Variants in UTP20 observed in about 807,000 individuals in gnomAD.
The protein encoded by UTP20 is UTP20 small subunit processome component.
UTP20 carries 164 observed loss-of-function variants against 329.5 expected under a neutral mutation model. That is an observed-to-expected ratio of 0.50 (90% CI 0.44 to 0.57). UTP20 has a LOEUF of 0.57. UTP20 is among the 20% of genes least tolerant of loss of function. The probability of loss-of-function intolerance (pLI) is 0.00; values close to 1 mark genes in which losing one functional copy is unlikely to be tolerated. For missense variants in UTP20, 3,055 were observed against 3,284.2 expected (o/e 0.93, Z 1.71); for synonymous variants, 1,151 against 1,159.3 (o/e 0.99, Z 0.14).
chr12:101,293,115 TG>T (rs1216029436), intron 10 of UTP20, 52 bp from the exon 11 acceptor site: 1 of 1,553,066 alleles, frequency 6.4e-7, no homozygotes, highest in Non-Finnish European at 8.9e-7. Flanking sequence ...GCTGGGGGGA[TG>T]GGGAAAATAC....
intron 56 of UTP20, among the ~76,000 whole-genome samples, chr12:101,377,018 T>C (rs184452960): frequency 1.5e-4 from 23 of 152,252 alleles, no homozygotes; most frequent in Non-Finnish European, 7.4e-5. Context: ...TGACCTCAGG[T>C]GATCCACCTG....
chr12:101,285,595 G>A lies in UTP20; in HGVS notation c.152G>A (p.Gly51Asp), dbSNP rs1195783643. 1.2e-6 allele frequency: 2 copies of A among 1,613,568 alleles called. No homozygotes were observed. The highest frequency in any genetic ancestry group is 3.3e-5 in the Admixed American group (2 of 59,990). ...GAGGTTGAAACCTACTTTTTTGAGG[G>A]TCTGCTGAAATGGAGAGAATTAAAC... ...EEEVETYFFE[G>D]LLKWRELNLT... The change falls in exon 3 of 62, where the codon GGT becomes GAT. Residue 51 changes from glycine (G) to aspartate (D), a missense_variant. Gly to Asp is a moderately conservative substitution (Grantham distance 94). Coordinates refer to ENST00000261637, the MANE Select transcript of UTP20 (RefSeq NM_014503.3).
Position 101,285,777 on chromosome 12 carries a change from A to T in UTP20, c.222A>T (p.Lys74Asn). 6.2e-7 allele frequency: 1 copy of T among 1,613,700 alleles called. No individual in the cohort carries two copies. The highest frequency in any genetic ancestry group is 8.5e-7 in the Non-Finnish European group (1 of 1,179,848). The change falls in exon 4 of 62, where the codon AAA becomes AAT. Residue 74 changes from lysine (K) to asparagine (N), a missense_variant. Lys to Asn is a moderately conservative substitution (Grantham distance 94). Around this residue, in one of 3 missense-constraint regions of UTP20, gnomAD observed 2,445 missense variants for 2,575.5 expected, o/e 0.95. Transcript: ENST00000261637. Reference protein sequence around the residue: ...FGKFYKEVIDKCQSFNQLVYH... With the variant: ...FGKFYKEVIDNCQSFNQLVYH... The stretch of plus-strand genomic sequence containing the variant: ...AATTTTACAAAGAAGTTATTGACAA[A>T]TGCCAATCATTCAATCAGTTGGTGT...
At position 101,329,235 on chromosome 12, in the gene UTP20, C is replaced by A; in HGVS notation, c.3209-6C>A. ...ACATGACCTCTCGTCCTCTTTGTTT[C>A]ACTAGGAGAGTGCCATTCTGCAGTC... On this transcript the variant is annotated splice_polypyrimidine_tract_variant and splice_region_variant and intron_variant, in intron 26 of 61. Coordinates refer to ENST00000261637, the MANE Select transcript of UTP20 (RefSeq NM_014503.3). The A allele has an allele frequency of 1.2e-6, 2 of 1,613,550 alleles. No individual in the cohort carries two copies. The highest frequency in any genetic ancestry group is 1.1e-5 in the South Asian group (1 of 91,040).
At chr12:101,368,421 C>A (rs1333564941) in intron 48 of UTP20, among the ~76,000 whole-genome samples, 4 of 152,106 alleles carry the variant, frequency 2.6e-5, no homozygotes, top group Non-Finnish European at 5.9e-5. Context: ...GCATGAGCCA[C>A]CGTGCCCGGC....
chr12:101,372,909 A>G lies in UTP20; in HGVS notation c.6824A>G (p.Tyr2275Cys). The change falls in exon 52 of 62, where the codon TAT becomes TGT. Residue 2275 changes from tyrosine (Y) to cysteine (C), a missense_variant. Around this residue, in one of 3 missense-constraint regions of UTP20, gnomAD observed 273 missense variants for 363.1 expected, o/e 0.75. Transcript: ENST00000261637. Reference sequence around the variant, plus strand: ...GTTTTTCTGAAATATATTCTTGACTATCCCCTGGGTGACAAATTGAGACCA... The same window carrying G: ...GTTTTTCTGAAATATATTCTTGACTGTCCCCTGGGTGACAAATTGAGACCA... ...RQVFLKYILD[Y>C]PLGDKLRPNL... The G allele has an allele frequency of 6.2e-7, 1 of 1,614,160 alleles. No homozygotes were observed. The highest frequency in any genetic ancestry group is 8.5e-7 in the Non-Finnish European group (1 of 1,179,976).
intron 2 of UTP20, among the ~76,000 whole-genome samples, chr12:101,284,515 A>T (rs1860054777): frequency 6.6e-6 from 1 of 152,112 alleles, no homozygotes; most frequent in Non-Finnish European, 1.5e-5. Flanking sequence ...GGACAATTCA[A>T]TGTCTTTGCT....
intron 56 of UTP20, among the ~76,000 whole-genome samples, chr12:101,378,070 T>A (rs1425744708): frequency 6.6e-6 from 1 of 151,972 alleles, no homozygotes; most frequent in Non-Finnish European, 1.5e-5. Flanking sequence ...AAAAATAACT[T>A]CCTGAGTGTG....
Position 101,344,848 on chromosome 12 carries a change from G to T in UTP20, c.4605+98G>T. 3.2e-6 allele frequency: 3 copies of T among 938,816 alleles called. No individual in the cohort carries two copies. The Admixed American group carries it at 7.3e-5, about 23-fold the overall frequency. The allele number at this position is 938,816 out of a possible 1,614,324, so 58.2% of individuals were successfully genotyped here. ...TTGTATAGAAAAGTAGTCAGGCTTA[G>T]TGCATTTAATGAGAATACTTGGTTG... On this transcript the variant is annotated intron_variant, in intron 36 of 61. Transcript: ENST00000261637.
In UTP20 at chr12:101,290,827, T is replaced by C. The variant is rs1872119538; in HGVS notation, c.830T>C (p.Val277Ala). The C allele has an allele frequency of 6.2e-7, 1 of 1,613,924 alleles. No individual in the cohort carries two copies. Among genetic ancestry groups the C allele is most frequent in the African/African-American group, 1.3e-5 (1 of 74,924 alleles). ...MLIGETLKNM[V>A]KSTVSYISKE... ...ATTGGAGAAACACTCAAAAACATGG[T>C]CAAATCCACTGTATCCTACATCTCC... is the stretch of plus-strand genomic sequence containing the variant. The change falls in exon 8 of 62, where the codon GTC (valine) becomes GCC (alanine). Residue 277 changes from valine to alanine, a missense_variant. Physicochemically the swap from Val to Ala is moderately conservative, Grantham distance 64. This residue lies in a region of UTP20 where 2,445 missense variants were observed against 2,575.5 expected (regional missense o/e 0.95). Coordinates refer to ENST00000261637, the MANE Select transcript of UTP20 (RefSeq NM_014503.3).
In UTP20 at chr12:101,366,595, C is replaced by T. The variant is rs369147512; in HGVS notation, c.6163C>T (p.Pro2055Ser). Residue 2055 changes from proline to serine, a missense_variant, in exon 47 of 62, where the codon CCC becomes TCC. Around this residue, in one of 3 missense-constraint regions of UTP20, gnomAD observed 2,445 missense variants for 2,575.5 expected, o/e 0.95. Transcript: ENST00000261637. ...VAPAPDPRLP[P>S]QSCLLLPPTP... ...CCCAGCACCAGATCCACGTCTACCACCCCAGAGCTGCCTTCTGCTTCCCCC... is the reference window on the plus strand; with the variant it reads ...CCCAGCACCAGATCCACGTCTACCATCCCAGAGCTGCCTTCTGCTTCCCCC... The T allele has an allele frequency of 9.5e-5, 153 of 1,614,058 alleles. No homozygotes were observed. In the East Asian group the frequency reaches 1.4e-3, roughly 15 times the overall value.
In UTP20 at chr12:101,338,800, C is replaced by A; in HGVS notation, c.3869-13C>A. The A allele has an allele frequency of 6.5e-7, 1 of 1,542,648 alleles. No homozygotes were observed. Among genetic ancestry groups the A allele is most frequent in the South Asian group, 1.3e-5 (1 of 76,666 alleles). The stretch of plus-strand genomic sequence containing the variant: ...AGTTTATTAAAATCAAATCAAATCA[C>A]TATCTATTTCAGAGTCTATCACAAT... On this transcript the variant is annotated splice_polypyrimidine_tract_variant and intron_variant, in intron 30 of 61. Coordinates refer to ENST00000261637, the MANE Select transcript of UTP20 (RefSeq NM_014503.3).
At position 101,340,937 on chromosome 12, in the gene UTP20, C is replaced by CTTTTTTTTTTTTTTTTTTTT. The variant is rs71091488; in HGVS notation, c.4101+363_4101+382dup. Among the ~76,000 whole-genome samples, 6 of 83,026 alleles carry CTTTTTTTTTTTTTTTTTTTT rather than the reference C, an allele frequency of 7.2e-5. 1 individual carries two copies. The highest frequency in any genetic ancestry group is 5.5e-5 in the Non-Finnish European group (2 of 36,508). The allele number at this position is 83,026 out of a possible 152,430, so 54.5% of individuals were successfully genotyped here. On this transcript the variant is annotated intron_variant, in intron 32 of 61. Transcript: ENST00000261637. ...GAACCCAAGAAGTGCATTGTGTAAT[C>CTTTTTTTTTTTTTTTTTTTT]TTTTTTTTTTTTTTTTTTTTTTTTT...
At chr12:101,346,811 G>T (rs1029975672) in intron 38 of UTP20, among the ~76,000 whole-genome samples, 1 of 152,162 alleles carries the variant, frequency 6.6e-6, no homozygotes, top group Non-Finnish European at 1.5e-5. Flanking sequence ...AAGGCCGAGC[G>T]CAAAATATTC....
chr12:101,295,480 C>T lies in UTP20; in HGVS notation c.1252C>T (p.Leu418Phe). Residue 418 changes from leucine to phenylalanine, a missense_variant and splice_region_variant, in exon 12 of 62, where the codon CTT becomes TTT. Around this residue, in one of 3 missense-constraint regions of UTP20, gnomAD observed 2,445 missense variants for 2,575.5 expected, o/e 0.95. Coordinates refer to ENST00000261637, the MANE Select transcript of UTP20 (RefSeq NM_014503.3). ...GTGATTTTTTTTTTCTTAACTTTAG[C>T]TTTTTCTACCAAGCTTTCTGTCATA... ...VMFAMKQFEQ[L>F]FLPSFLSYIV... 1 of 1,558,366 alleles carries T rather than the reference C, an allele frequency of 6.4e-7. No individual in the cohort carries two copies.
At chr12:101,297,907 A>G (rs1363790037) in intron 12 of UTP20, among the ~76,000 whole-genome samples, 1 of 152,344 alleles carries the variant, frequency 6.6e-6, no homozygotes, top group African/African-American at 2.4e-5. Flanking sequence ...GTGCTAACTC[A>G]TGGCAAGTTC....
rs747596099 is a variant in UTP20 at position 101,363,671 on chromosome 12, C to G, written c.5886C>G (p.Tyr1962Ter). Residue 1962 changes from tyrosine to a stop codon, truncating the protein, a stop_gained, in exon 45 of 62, where the codon TAC becomes TAG. Coordinates refer to ENST00000261637, the MANE Select transcript of UTP20 (RefSeq NM_014503.3). LOFTEE classifies it high-confidence loss of function. ...KVMEARRSKS[Y>*]DSYEILGKFV... ...TGGAAGCACGAAGAAGCAAAAGTTA[C>G]GACTCTTATGAAATCCTCGGCAAGT... 1 of 1,613,228 alleles carries G rather than the reference C, an allele frequency of 6.2e-7. No individual in the cohort carries two copies. Among genetic ancestry groups the G allele is most frequent in the South Asian group, 1.1e-5 (1 of 91,064 alleles).
intron 41 of UTP20, among the ~76,000 whole-genome samples, chr12:101,355,692 C>T (rs1170199295): frequency 1.3e-5 from 2 of 152,098 alleles, no homozygotes; most frequent in Admixed American, 1.3e-4. Context: ...CAACAGAGCC[C>T]ATAAAGCCAA....
chr12:101,306,315 A>G (rs1872640159), intron 16 of UTP20, among the ~76,000 whole-genome samples: 1 of 152,102 alleles, frequency 6.6e-6, no homozygotes, highest in African/African-American at 2.4e-5. Flanking sequence ...GAACTGAAAA[A>G]TCAACATAGT....
Sources: allele counts gnomAD v4.1 joint callset (sites outside exome capture counted in the v4.1 genomes callset), GRCh38; gene constraint gnomAD v4.1.1; regional missense constraint gnomAD v4.1.1; transcripts MANE v1.5; gene names NCBI Gene and HGNC (gene_info 2026-07-23, HGNC 2026-07-21).